Variants in NTRK3 observed in about 807,000 individuals in gnomAD.
NTRK3 encodes neurotrophic receptor tyrosine kinase 3, also known as NT-3 growth factor receptor.
In NTRK3, 24 loss-of-function variants were observed where a neutral mutation model predicts 91.7. That is an observed-to-expected ratio of 0.26 (90% CI 0.19 to 0.37). NTRK3 has a LOEUF of 0.37. Ranked by LOEUF, NTRK3 falls within the 10% of genes least tolerant of loss-of-function variation. The pLI is 1.00. For missense variants in NTRK3, 880 were observed against 1,068.9 expected (o/e 0.82, Z 2.46); for synonymous variants, 483 against 404.0 (o/e 1.20, Z -2.34).
intron 13 of NTRK3, among the ~76,000 whole-genome samples, chr15:88,092,239 C>CA (rs1340332334): frequency 6.6e-6 from 1 of 152,224 alleles, no homozygotes; most frequent in Non-Finnish European, 1.5e-5. Flanking sequence ...CTCAGCCGCT[C>CA]AGTGTCATTC....
intron 13 of NTRK3, among the ~76,000 whole-genome samples, chr15:88,078,488 A>G (rs2047755777): frequency 6.6e-6 from 1 of 152,208 alleles, no homozygotes; most frequent in Admixed American, 6.5e-5. Flanking sequence ...TGTCTCTACT[A>G]AAAATACAAA....
exon 19 of NTRK3, chr15:87,864,300 C>G (rs528295633): frequency 8.6e-5 from 20 of 231,944 alleles, no homozygotes; most frequent in African/African-American, 1.8e-4. Context: ...ATTGGAGGAG[C>G]CTTTACTTTG....
At chr15:88,218,537 C>A (rs2049981876) in intron 3 of NTRK3, among the ~76,000 whole-genome samples, 1 of 152,210 alleles carries the variant, frequency 6.6e-6, no homozygotes, top group African/African-American at 2.4e-5. Flanking sequence ...AGGGCTGGGG[C>A]ACAGAAGGCA....
chr15:88,116,392 C>G (rs1012523771), intron 13 of NTRK3, among the ~76,000 whole-genome samples: 13 of 151,792 alleles, frequency 8.6e-5, no homozygotes, highest in Non-Finnish European at 1.8e-4. Flanking sequence ...CGAGATCAGC[C>G]TGGCCAACAT....
chr15:88,110,009 C>T lies in NTRK3; in HGVS notation c.1396+16262G>A, dbSNP rs960837632. ...AAAACCCTGTATGATAAGAATTATCCCTCTCATTTGTCAGCTGAGGGTGTG... is the reference window on the plus strand; with the variant it reads ...AAAACCCTGTATGATAAGAATTATCTCTCTCATTTGTCAGCTGAGGGTGTG... On this transcript the variant is annotated intron_variant, in intron 13 of 18. Coordinates refer to ENST00000394480, the Ensembl canonical transcript of NTRK3. Among the ~76,000 whole-genome samples, 146 of 152,066 alleles carry T rather than the reference C, an allele frequency of 9.6e-4. 1 individual carries two copies. Among genetic ancestry groups the T allele is most frequent in the Non-Finnish European group, 3.1e-4 (21 of 67,982 alleles).
At chr15:88,201,767 G>A (rs2048323915) in intron 3 of NTRK3, among the ~76,000 whole-genome samples, 1 of 152,140 alleles carries the variant, frequency 6.6e-6, no homozygotes, top group Non-Finnish European at 1.5e-5. Flanking sequence ...AGGCCACCAT[G>A]ATGTTGGGCT....
intron 5 of NTRK3, among the ~76,000 whole-genome samples, chr15:88,155,469 G>A (rs2043801903): frequency 6.6e-6 from 1 of 152,358 alleles, no homozygotes; most frequent in East Asian, 1.9e-4. Context: ...ATTTCTGGGT[G>A]TAAGGCAATA....
At chr15:88,058,238 G>A (rs548033229) in intron 13 of NTRK3, among the ~76,000 whole-genome samples, 74 of 152,262 alleles carry the variant, frequency 4.9e-4, no homozygotes, top group African/African-American at 1.8e-3. Context: ...GGACTACGAC[G>A]TCAGACAGTT....
chr15:88,254,429 G>A (rs545627490), intron 3 of NTRK3, among the ~76,000 whole-genome samples: 11 of 152,156 alleles, frequency 7.2e-5, no homozygotes, highest in Admixed American at 2.6e-4. Flanking sequence ...GTTGAAGAGG[G>A]TAAGGGGGTG....
chr15:88,118,587 G>C (rs2052362575), intron 13 of NTRK3, among the ~76,000 whole-genome samples: 1 of 152,142 alleles, frequency 6.6e-6, no homozygotes. Flanking sequence ...TAAAGTTTGT[G>C]ACTTTTTAAA....
intron 13 of NTRK3, among the ~76,000 whole-genome samples, chr15:88,044,356 G>C (rs559811371): frequency 6.7e-6 from 1 of 149,610 alleles, no homozygotes; most frequent in East Asian, 2.0e-4. Context: ...TGCCTCCCGG[G>C]TTCACTCCAT....
At chr15:88,128,106 C>G (rs1261991256) in intron 11 of NTRK3, among the ~76,000 whole-genome samples, 1 of 152,166 alleles carries the variant, frequency 6.6e-6, no homozygotes, top group Non-Finnish European at 1.5e-5. Flanking sequence ...ATTCCCACCT[C>G]CCATGGAGAA....
intron 3 of NTRK3, among the ~76,000 whole-genome samples, chr15:88,226,629 G>A (rs534975346): frequency 2.0e-5 from 3 of 152,346 alleles, no homozygotes; most frequent in Admixed American, 6.5e-5. Flanking sequence ...ACCAGGGGGA[G>A]CACTGAGCCA....
intron 13 of NTRK3, among the ~76,000 whole-genome samples, chr15:88,094,263 G>A (rs1183672078): frequency 6.6e-6 from 1 of 151,532 alleles, no homozygotes; most frequent in East Asian, 2.0e-4. Context: ...TCAGGAGATC[G>A]AGACCATCCT....
At position 88,076,859 on chromosome 15, in the gene NTRK3, G is replaced by A. The variant is rs149894764; in HGVS notation, c.1397-43814C>T. Among the ~76,000 whole-genome samples the A allele has an allele frequency of 8.3e-4, 126 of 152,172 alleles. 1 individual carries two copies. In the East Asian group the frequency reaches 0.022, roughly 27 times the overall value. The stretch of plus-strand genomic sequence containing the variant: ...TGCAATCTCAACACTTTGGGAATCC[G>A]AGGTGGGTGGATCACCTGAGGTCAG... On this transcript the variant is annotated intron_variant, in intron 13 of 18. Transcript: ENST00000394480.
At chr15:87,903,031 T>A (rs1168814211) in intron 17 of NTRK3, among the ~76,000 whole-genome samples, 1 of 152,150 alleles carries the variant, frequency 6.6e-6, no homozygotes, top group African/African-American at 2.4e-5. Flanking sequence ...AAAGCTTTCC[T>A]TGGAGGGCTG....
At chr15:87,893,445 A>G (rs2065947957) in intron 17 of NTRK3, among the ~76,000 whole-genome samples, 1 of 152,222 alleles carries the variant, frequency 6.6e-6, no homozygotes, top group Non-Finnish European at 1.5e-5. Flanking sequence ...AATGCCCCGC[A>G]TGGCAGTGTT....
chr15:87,885,569 A>G, intron 17 of NTRK3, 125 bp downstream of exon 18: 1 of 491,194 alleles, frequency 2.0e-6, no homozygotes, highest in Non-Finnish European at 3.5e-6. Context: ...TAATGGAACA[A>G]ACTAGAGAGT....
chr15:88,065,142 A>C (rs568026977), intron 13 of NTRK3, among the ~76,000 whole-genome samples: 1 of 152,080 alleles, frequency 6.6e-6, no homozygotes. Context: ...TCCTCTACCC[A>C]TGATAGAAAG....
Sources: gnomAD v4.1 joint callset for allele counts (sites outside exome capture counted in the v4.1 genomes callset) on GRCh38, gnomAD v4.1.1 for gene constraint, MANE v1.5 for transcripts, NCBI Gene and HGNC (gene_info 2026-07-23, HGNC 2026-07-21) for gene names.